PAK1: variants seen among roughly 807,000 people sequenced by gnomAD.
The protein encoded by PAK1 is serine/threonine-protein kinase PAK 1.
PAK1 carries 29 observed loss-of-function variants against 67.4 expected under a neutral mutation model. The observed-to-expected ratio is 0.43, with a 90% confidence interval of 0.32 to 0.59. The LOEUF is 0.59. Ranked by LOEUF, PAK1 falls within the 20% of genes least tolerant of loss-of-function variation. The pLI, the probability that PAK1 is intolerant of heterozygous loss-of-function variation, is 0.07. For synonymous variants in PAK1, 223 were observed against 237.4 expected (o/e 0.94, Z 0.56); for missense variants, 337 against 670.7 (o/e 0.50, Z 5.50).
the PAK1 span, among the ~76,000 whole-genome samples, chr11:77,486,987 G>C: frequency 6.6e-6 from 1 of 152,192 alleles, no homozygotes; most frequent in Non-Finnish European, 1.5e-5. Flanking sequence ...GGAAATGCTT[G>C]CACCACCTCT....
intron 1 of PAK1, among the ~76,000 whole-genome samples, chr11:77,462,430 G>A (rs892247872): frequency 1.3e-5 from 2 of 152,006 alleles, no homozygotes; most frequent in African/African-American, 2.4e-5. Flanking sequence ...TACACATTTA[G>A]CACAGTAAGG....
intron 13 of PAK1, 140 bp downstream of exon 13, chr11:77,335,946 T>C: frequency 2.0e-6 from 1 of 489,006 alleles, no homozygotes; most frequent in South Asian, 5.3e-5. Flanking sequence ...TGGCCATTTA[T>C]ACTTTAAGTT....
intron 14 of PAK1, chr11:77,325,426 C>G: frequency 2.5e-6 from 4 of 1,595,870 alleles, no homozygotes; most frequent in Non-Finnish European, 3.4e-6. Context: ...TTGTAAAGGA[C>G]AATATATAAA....
Position 77,456,765 on chromosome 11 carries a change from G to A in PAK1, c.-22+16787C>T, listed in dbSNP as rs111742677. ...GGTTTTTTGTTTTTTTTTTTCAGAC[G>A]GAGTCTCGCACTGCCACCCAGACTG... On this transcript the variant is annotated intron_variant, in intron 1 of 14. Transcript: ENST00000356341. Among the ~76,000 whole-genome samples, 1,301 of 150,548 alleles carry A rather than the reference G, an allele frequency of 8.6e-3. 27 individuals carry two copies. The highest frequency in any genetic ancestry group is 0.03 in the African/African-American group (1,240 of 40,924).
chr11:77,469,303 G>A (rs926372231), intron 1 of PAK1, among the ~76,000 whole-genome samples: 1 of 152,106 alleles, frequency 6.6e-6, no homozygotes, highest in Non-Finnish European at 1.5e-5. Flanking sequence ...AGAGATACCA[G>A]CAATCATCTC....
Position 77,395,520 on chromosome 11 carries a change from C to A in PAK1, c.-21-2979G>T, listed in dbSNP as rs549891938. ...TATCAACTAAGCCACTACACCTAGA[C>A]ACAGCCTAATTCAAACTAATTCAAA... On this transcript the variant is annotated intron_variant, in intron 1 of 14. Coordinates refer to ENST00000356341, the MANE Select transcript of PAK1 (RefSeq NM_002576.5). Among the ~76,000 whole-genome samples, 49 of 152,278 alleles carry A rather than the reference C, an allele frequency of 3.2e-4. 1 individual carries two copies. The South Asian group carries it at 1.0e-2, about 31-fold the overall frequency.
At chr11:77,390,154 T>G (rs1335386711) in intron 2 of PAK1, among the ~76,000 whole-genome samples, 3 of 152,232 alleles carry the variant, frequency 2.0e-5, no homozygotes, top group Non-Finnish European at 2.9e-5. Context: ...ATGAATGAAT[T>G]AGTCAGGAAA....
At chr11:77,499,645 T>C in the PAK1 span, among the ~76,000 whole-genome samples, 3 of 152,210 alleles carry the variant, frequency 2.0e-5, no homozygotes, top group African/African-American at 7.2e-5. Context: ...ATTCCAGTGA[T>C]ACTTTCGTTA....
At chr11:77,461,848 G>C (rs981823002) in intron 1 of PAK1, among the ~76,000 whole-genome samples, 4 of 152,138 alleles carry the variant, frequency 2.6e-5, no homozygotes, top group African/African-American at 7.2e-5. Flanking sequence ...TAATCCAAAA[G>C]AAAACTGCGA....
At chr11:77,397,961 C>A (rs1048725849) in intron 1 of PAK1, among the ~76,000 whole-genome samples, 2 of 152,074 alleles carry the variant, frequency 1.3e-5, no homozygotes, top group East Asian at 3.9e-4. Context: ...AAACTCAAAC[C>A]TCATCTTTAA....
chr11:77,413,632 G>A (rs1409704762), intron 1 of PAK1, among the ~76,000 whole-genome samples: 1 of 151,854 alleles, frequency 6.6e-6, no homozygotes, highest in Non-Finnish European at 1.5e-5. Flanking sequence ...GCAGTGAGCT[G>A]AGATCGCACC....
intron 1 of PAK1, among the ~76,000 whole-genome samples, chr11:77,459,960 T>G (rs1385499657): frequency 1.3e-5 from 2 of 151,588 alleles, no homozygotes; most frequent in African/African-American, 4.8e-5. Context: ...CCTCCCAAAG[T>G]GCTGGGATTA....
chr11:77,346,514 G>A (rs903814135), intron 9 of PAK1, among the ~76,000 whole-genome samples: 1 of 152,078 alleles, frequency 6.6e-6, no homozygotes, highest in African/African-American at 2.4e-5. Flanking sequence ...CTCTTTTCAG[G>A]ATTGTTTTGA....
intron 1 of PAK1, among the ~76,000 whole-genome samples, chr11:77,435,412 G>T (rs764203672): frequency 6.6e-6 from 1 of 151,948 alleles, no homozygotes; most frequent in Non-Finnish European, 1.5e-5. Flanking sequence ...CCCTGCCTTC[G>T]CAAGGTGGCT....
intron 9 of PAK1, 83 bp downstream of exon 9, chr11:77,349,156 T>A: frequency 1.1e-6 from 1 of 932,906 alleles, no homozygotes; most frequent in Non-Finnish European, 1.7e-6. Context: ...GAACTGTTCC[T>A]GTTGACCTAA....
intron 1 of PAK1, among the ~76,000 whole-genome samples, chr11:77,448,779 G>T (rs75676533): frequency 6.6e-6 from 1 of 152,212 alleles, no homozygotes; most frequent in Non-Finnish European, 1.5e-5. Flanking sequence ...CTACCCATGG[G>T]AAGTTTTTTG....
In PAK1 at chr11:77,323,122, C is replaced by T. The variant is rs1938773334; in HGVS notation, c.*152G>A. 2 of 1,439,340 alleles carry T rather than the reference C, an allele frequency of 1.4e-6. No individual in the cohort carries two copies. Among genetic ancestry groups the T allele is most frequent in the African/African-American group, 1.4e-5 (1 of 70,908 alleles). The allele number at this position is 1,439,340 out of a possible 1,614,324, so 89.2% of individuals were successfully genotyped here. A position where few individuals can be genotyped will look rare whatever the true frequency, so the allele number is the denominator to read the frequency against. ...TTGCAGTTCTCTTCAATGCTGGACACACGGTTTCCAAGGATCAAAGTCTTG... is the reference window on the plus strand; with the variant it reads ...TTGCAGTTCTCTTCAATGCTGGACATACGGTTTCCAAGGATCAAAGTCTTG... On this transcript the variant is annotated 3_prime_UTR_variant, in exon 15 of 15. Coordinates refer to ENST00000356341, the MANE Select transcript of PAK1 (RefSeq NM_002576.5).
the PAK1 span, among the ~76,000 whole-genome samples, chr11:77,503,031 T>C: frequency 1.6e-4 from 25 of 152,296 alleles, no homozygotes. Flanking sequence ...AGGTTGGAGA[T>C]GATCTTCGGG....
the PAK1 span, among the ~76,000 whole-genome samples, chr11:77,491,812 A>T: frequency 3.5e-3 from 539 of 152,304 alleles, 4 homozygotes; most frequent in African/African-American, 0.012. Context: ...AAACAAATTT[A>T]AAAAAGACAG....
Sources: gnomAD v4.1 joint callset for allele counts (sites outside exome capture counted in the v4.1 genomes callset) on GRCh38, gnomAD v4.1.1 for gene constraint, MANE v1.5 for transcripts, NCBI Gene and HGNC (gene_info 2026-07-23, HGNC 2026-07-21) for gene names.